ACP6: variants seen among roughly 807,000 people sequenced by gnomAD.
ACP6 encodes the protein acid phosphatase 6, lysophosphatidic.
ACP6 carries 48 observed loss-of-function variants against 48.1 expected under a neutral mutation model. That is an observed-to-expected ratio of 1.00 (90% CI 0.79 to 1.27). The LOEUF (loss-of-function observed/expected upper bound fraction) is 1.27, where lower values mean the gene tolerates loss of function less well. Among genes scored for constraint, ACP6 ranks in the 50% most tolerant of loss-of-function variants. ACP6 has a pLI of 0.00. For synonymous variants in ACP6, 172 were observed against 204.2 expected (o/e 0.84, Z 1.34); for missense variants, 485 against 529.1 (o/e 0.92, Z 0.82).
rs1553214478 is a variant in ACP6, at chr1:147,670,091, G to A, written c.-43C>T. On this transcript the variant is annotated 5_prime_UTR_variant, in exon 1 of 10. Coordinates refer to ENST00000583509, the MANE Select transcript of ACP6 (RefSeq NM_016361.5). ...GCCCTCCGGGTTGAGGCTGCAGGAG[G>A]CAAACACAAGTCTTCTGCGGGCGCC... 1 of 1,448,628 alleles carries A rather than the reference G, an allele frequency of 6.9e-7. No individual in the cohort carries two copies. The highest frequency in any genetic ancestry group is 9.1e-7 in the Non-Finnish European group (1 of 1,093,306). The allele number at this position is 1,448,628 out of a possible 1,614,324, so 89.7% of individuals were successfully genotyped here.
intron 1 of ACP6, among the ~76,000 whole-genome samples, chr1:147,660,039 A>G (rs1230265498): frequency 1.3e-5 from 2 of 152,204 alleles, no homozygotes; most frequent in African/African-American, 4.8e-5. Context: ...CTTAGCCCAC[A>G]CTGAAGTAAA....
intron 1 of ACP6, among the ~76,000 whole-genome samples, chr1:147,666,139 C>T (rs1270601194): frequency 3.9e-5 from 6 of 152,300 alleles, no homozygotes; most frequent in African/African-American, 1.2e-4. Context: ...ACTTGGCACC[C>T]AGCTTCCTGA....
Position 147,669,968 on chromosome 1 carries a change from C to T in ACP6, c.81G>A (p.Arg27=). The T allele has an allele frequency of 3.2e-6, 5 of 1,550,482 alleles. No homozygotes were observed. Among genetic ancestry groups the T allele is most frequent in the Non-Finnish European group, 4.4e-6 (5 of 1,147,262 alleles). The change falls in exon 1 of 10, where the codon CGG becomes CGA. Residue 27 remains arginine, a synonymous_variant. Coordinates refer to ENST00000583509, the MANE Select transcript of ACP6 (RefSeq NM_016361.5). Reference sequence around the variant, plus strand: ...CCTGCAGCTCGGCCAGGGCCACCCGCCGCTGGTGCAGGCAGTACGCCAGCG... The same window carrying T: ...CCTGCAGCTCGGCCAGGGCCACCCGTCGCTGGTGCAGGCAGTACGCCAGCG... ...LTSLAYCLHQ[R]RVALAELQEA...
intron 7 of ACP6, chr1:147,651,307 T>C (rs913235410): frequency 9.9e-5 from 15 of 152,192 alleles, no homozygotes; most frequent in African/African-American, 2.9e-4. Context: ...CTGTTTAAAA[T>C]GATTTACACC....
intron 4 of ACP6, among the ~76,000 whole-genome samples, chr1:147,658,070 G>A (rs1660346369): frequency 6.6e-6 from 1 of 152,222 alleles, no homozygotes; most frequent in African/African-American, 2.4e-5. Flanking sequence ...GTAAGGGGCA[G>A]CCCATCCTGC....
At position 147,648,397 on chromosome 1, in the gene ACP6, T is replaced by G. The variant is rs989980947; in HGVS notation, c.992A>C (p.Tyr331Ser). The change falls in exon 9 of 10, where the codon TAT becomes TCT. Residue 331 changes from tyrosine (Y) to serine (S), a missense_variant. Transcript: ENST00000583509. Reference sequence around the variant, plus strand: ...TATGAAGGTCACATCATGAGCCGCATAGAGATACAGCTTTCTGCAAGAGGA... The same window carrying G: ...TATGAAGGTCACATCATGAGCCGCAGAGAGATACAGCTTTCTGCAAGAGGA... ...APDKIRKLYL[Y>S]AAHDVTFIPL... The G allele has an allele frequency of 6.2e-7, 1 of 1,614,048 alleles. No homozygotes were observed. Among genetic ancestry groups the G allele is most frequent in the Admixed American group, 1.7e-5 (1 of 59,994 alleles).
Position 147,647,550 on chromosome 1 carries a change from C to A in ACP6, c.1160G>T (p.Gly387Val), listed in dbSNP as rs2148902174. 6.2e-7 allele frequency: 1 copy of A among 1,613,046 alleles called. No individual in the cohort carries two copies. Among genetic ancestry groups the A allele is most frequent in the Non-Finnish European group, 8.5e-7 (1 of 1,179,914 alleles). ...CAGCGGGCAGAGCCCATCAGGGCAA[C>A]CTCTCGGCACCTGCTCCTGCAGAAG... ...YYHGKEQVPRGCPDGLCPLDM... is the reference protein window; with the variant it reads ...YYHGKEQVPRVCPDGLCPLDM... Residue 387 changes from glycine (G) to valine (V), a missense_variant, in exon 10 of 10, where the codon GGT becomes GTT. Physicochemically the swap from Gly to Val is moderately radical, Grantham distance 109. Coordinates refer to ENST00000583509, the MANE Select transcript of ACP6 (RefSeq NM_016361.5).
At chr1:147,658,640 T>G (rs587755744) in intron 4 of ACP6, among the ~76,000 whole-genome samples, 1 of 152,272 alleles carries the variant, frequency 6.6e-6, no homozygotes, top group South Asian at 2.1e-4. Context: ...ATGTCTCACC[T>G]AAATAAAAAG....
In ACP6 at chr1:147,652,445, T is replaced by G. The variant is rs782478302; in HGVS notation, c.881+4A>C. 1.1e-5 allele frequency: 18 copies of G among 1,609,920 alleles called. No individual in the cohort carries two copies. The highest frequency in any genetic ancestry group is 1.4e-5 in the Non-Finnish European group (17 of 1,177,932). On this transcript the variant is annotated splice_donor_region_variant and intron_variant, in intron 7 of 9. Transcript: ENST00000583509. ...ACTTCATGCCAGCAGTGAGAGCCCC[T>G]CACCTGTCTTCCTTGGGCAGTATGT...
rs1235391348 is a variant in ACP6 at position 147,643,613 on chromosome 1, A to C, written c.*3810T>G. 2.0e-5 allele frequency: 3 copies of C among 152,182 alleles called. No homozygotes were observed. The highest frequency in any genetic ancestry group is 7.2e-5 in the African/African-American group (3 of 41,424). The allele number at this position is 152,182 out of a possible 1,614,324, so 9.4% of individuals were successfully genotyped here. On this transcript the variant is annotated 3_prime_UTR_variant, in exon 10 of 10. Transcript: ENST00000583509. The stretch of plus-strand genomic sequence containing the variant: ...GACATGGCTCAGGACTACTTGGCAT[A>C]CTCCATCTTCAACGATAGTAAGAAT...
At chr1:147,668,239 T>G (rs1263685668) in intron 1 of ACP6, among the ~76,000 whole-genome samples, 1 of 152,120 alleles carries the variant, frequency 6.6e-6, no homozygotes, top group Non-Finnish European at 1.5e-5. Context: ...AATTGCAAAG[T>G]CAGGCCATGG....
In ACP6 at chr1:147,652,539, AG is replaced by A. The variant is rs1553210752; in HGVS notation, c.790del (p.Leu264SerfsTer7). ...TCTCTTCAGCATGGGGCAGCTTGGG[AG>A]GTTGTGTGCCTGAAAGGGCCACATG... ...DNVAAEQAHN[L>X]PSCPMLKRFA... On this transcript the variant is annotated frameshift_variant, in exon 7 of 10. Coordinates refer to ENST00000583509, the MANE Select transcript of ACP6 (RefSeq NM_016361.5). LOFTEE classifies it high-confidence loss of function. 6.2e-7 allele frequency: 1 copy of A among 1,614,032 alleles called. No individual in the cohort carries two copies. The highest frequency in any genetic ancestry group is 1.3e-5 in the African/African-American group (1 of 74,996).
intron 1 of ACP6, among the ~76,000 whole-genome samples, chr1:147,660,710 T>C (rs78669427): frequency 0.017 from 2,598 of 152,358 alleles, 74 homozygotes; most frequent in African/African-American, 0.06. Flanking sequence ...AGCCAACTAA[T>C]TAATCTTTTT....
exon 6 of ACP6, chr1:147,630,726 T>C (rs1378854603): frequency 1.3e-5 from 2 of 152,254 alleles, no homozygotes; most frequent in African/African-American, 4.8e-5. Context: ...TGAGTCATTG[T>C]TATTGGGTTC....
downstream of ACP6, among the ~76,000 whole-genome samples, chr1:147,639,094 C>T (rs782327174): frequency 2.0e-5 from 3 of 152,068 alleles, no homozygotes; most frequent in Admixed American, 6.5e-5. Context: ...TGGGCTCAAG[C>T]GATCCTCTGA....
At chr1:147,634,288 G>C (rs782322953) in intron 5 of ACP6, among the ~76,000 whole-genome samples, 14 of 152,070 alleles carry the variant, frequency 9.2e-5, no homozygotes, top group South Asian at 4.1e-4. Context: ...CCCGTTTTTT[G>C]ATGAGGATTT....
At position 147,645,840 on chromosome 1, in the gene ACP6, A is replaced by G. The variant is rs1410530195; in HGVS notation, c.*1583T>C. On this transcript the variant is annotated 3_prime_UTR_variant, in exon 10 of 10. Transcript: ENST00000583509. ...AAAAAAGTTTAAGAGATTTTACAGC[A>G]TATTTGTATTGCTAATAGAATAATT... 1 of 152,248 alleles carries G rather than the reference A, an allele frequency of 6.6e-6. No homozygotes were observed. The highest frequency in any genetic ancestry group is 1.5e-5 in the Non-Finnish European group (1 of 68,052). 9.4% of individuals were successfully genotyped at this position (152,248 alleles called of 1,614,324 possible).
At chr1:147,640,993 A>C (rs935406920), downstream of ACP6, among the ~76,000 whole-genome samples, 9 of 152,060 alleles carry the variant, frequency 5.9e-5, no homozygotes, top group Admixed American at 1.3e-4. Flanking sequence ...CCAGCAGAAG[A>C]GACTCATCGC....
At chr1:147,630,953 C>T (rs1423863321) in exon 6 of ACP6, 1 of 152,128 alleles carries the variant, frequency 6.6e-6, no homozygotes, top group Non-Finnish European at 1.5e-5. Flanking sequence ...AATTAAATGC[C>T]AGTTTTGAAA....
Sources: gnomAD v4.1 joint callset for allele counts (sites outside exome capture counted in the v4.1 genomes callset) on GRCh38, gnomAD v4.1.1 for gene constraint, MANE v1.5 for transcripts, NCBI Gene and HGNC (gene_info 2026-07-23, HGNC 2026-07-21) for gene names.